TUBGCP4: variants seen among roughly 807,000 people sequenced by gnomAD.
The protein encoded by TUBGCP4 is tubulin gamma complex component 4.
TUBGCP4 carries 54 observed loss-of-function variants against 91.6 expected under a neutral mutation model. The ratio of observed to expected loss-of-function variants is 0.59; its 90% CI spans 0.47 to 0.74. The LOEUF (loss-of-function observed/expected upper bound fraction) is 0.74, where lower values mean the gene tolerates loss of function less well. Ranked by LOEUF, TUBGCP4 falls within the 30% of genes least tolerant of loss-of-function variation. The pLI is 0.00. For synonymous variants in TUBGCP4, 297 were observed against 302.8 expected, an observed-to-expected ratio of 0.98 and a Z score of 0.20; for missense variants, 593 against 800.9, an observed-to-expected ratio of 0.74 and a Z score of 3.13.
chr15:43,401,648 C>G, intron 14 of TUBGCP4, 68 bp from the exon 15 acceptor site: 1 of 1,519,770 alleles, frequency 6.6e-7, no homozygotes, highest in Non-Finnish European at 9.0e-7. Flanking sequence ...TTCAATCTGT[C>G]AGGCATCTTA....
At chr15:43,384,890 C>A (rs1200670122) in intron 7 of TUBGCP4, among the ~76,000 whole-genome samples, 2 of 152,042 alleles carry the variant, frequency 1.3e-5, no homozygotes, top group Non-Finnish European at 2.9e-5. Flanking sequence ...ATAATAGTCC[C>A]CTAAACCAAA....
chr15:43,384,605 G>T (rs965171179), intron 7 of TUBGCP4, among the ~76,000 whole-genome samples: 2 of 152,234 alleles, frequency 1.3e-5, no homozygotes, highest in Non-Finnish European at 2.9e-5. Context: ...AAGAGATGGT[G>T]TGAGGGAGAG....
At chr15:43,391,845 G>A (rs2044472915) in intron 9 of TUBGCP4, 1 of 152,220 alleles carries the variant, frequency 6.6e-6, no homozygotes, top group African/African-American at 2.4e-5. Flanking sequence ...GATGTCAGGA[G>A]TTTGAGACCA....
Position 43,397,326 on chromosome 15 carries a change from G to A in TUBGCP4, c.1279+5G>A. On this transcript the variant is annotated splice_donor_5th_base_variant and intron_variant, in intron 12 of 17. Transcript: ENST00000564079. ...ATCACGGAAAGGAGCACAAAGGTTT[G>A]CCATTCCTCCCTGCCACCTTAGAGT... is the stretch of plus-strand genomic sequence containing the variant. 6.2e-7 allele frequency: 1 copy of A among 1,608,836 alleles called. No homozygotes were observed. The highest frequency in any genetic ancestry group is 8.5e-7 in the Non-Finnish European group (1 of 1,175,210).
chr15:43,404,590 A>T, intron 17 of TUBGCP4, 38 bp downstream of exon 17: 1 of 1,605,138 alleles, frequency 6.2e-7, no homozygotes, highest in Non-Finnish European at 8.5e-7. Context: ...AGACTTTTTA[A>T]GGTGGCTTTT....
chr15:43,387,129 ATAT>A (rs2044388441), intron 9 of TUBGCP4, among the ~76,000 whole-genome samples: 1 of 152,332 alleles, frequency 6.6e-6, no homozygotes, highest in East Asian at 1.9e-4. Context: ...AGCAGAACAA[ATAT>A]TATTTTCTCA....
intron 6 of TUBGCP4, among the ~76,000 whole-genome samples, chr15:43,382,108 A>C (rs2044293388): frequency 6.6e-6 from 1 of 151,954 alleles, no homozygotes; most frequent in East Asian, 1.9e-4. Flanking sequence ...GCTACTTAGG[A>C]GGCTGAGGTG....
At chr15:43,397,401 C>A in intron 12 of TUBGCP4, 80 bp downstream of exon 12, 2 of 1,030,072 alleles carry the variant, frequency 1.9e-6, no homozygotes, top group South Asian at 1.3e-5. Flanking sequence ...TCCCCCGCCA[C>A]AGAAACCATA....
intron 13 of TUBGCP4, 88 bp from the exon 14 acceptor site, chr15:43,399,956 G>A: frequency 1.1e-6 from 1 of 933,864 alleles, no homozygotes; most frequent in South Asian, 1.8e-5. Flanking sequence ...TGAGAGGAGT[G>A]GGTGGCACAA....
At chr15:43,386,363 A>ATTTTTTTTT in intron 9 of TUBGCP4, 33 bp downstream of exon 9, 5 of 61,710 alleles carry the variant, frequency 8.1e-5, no homozygotes, top group Non-Finnish European at 1.7e-4. Flanking sequence ...ATATATATAT[A>ATTTTTTTTT]TATATATATA....
Position 43,398,094 on chromosome 15 carries a change from C to T in TUBGCP4, c.1333C>T (p.Pro445Ser). ...PSRETSPREAPASGWAALGLS... is the reference protein window; with the variant it reads ...PSRETSPREASASGWAALGLS... ...TCGGGAAACTTCTCCCCGGGAAGCCCCTGCATCTGGCTGGGCAGCCCTAGG... is the reference window on the plus strand; with the variant it reads ...TCGGGAAACTTCTCCCCGGGAAGCCTCTGCATCTGGCTGGGCAGCCCTAGG... The change falls in exon 13 of 18, where the codon CCT (proline) becomes TCT (serine). Residue 445 changes from proline (P) to serine (S), a missense_variant. Transcript: ENST00000564079. 1.2e-6 allele frequency: 2 copies of T among 1,614,056 alleles called. No individual in the cohort carries two copies. The highest frequency in any genetic ancestry group is 1.7e-6 in the Non-Finnish European group (2 of 1,179,970).
At chr15:43,387,515 G>A (rs1259676516) in intron 9 of TUBGCP4, among the ~76,000 whole-genome samples, 1 of 152,086 alleles carries the variant, frequency 6.6e-6, no homozygotes, top group Non-Finnish European at 1.5e-5. Flanking sequence ...AGGTTGGAGT[G>A]CAATGGTGTG....
intron 9 of TUBGCP4, among the ~76,000 whole-genome samples, chr15:43,391,169 A>G (rs1417048332): frequency 6.6e-6 from 1 of 152,046 alleles, no homozygotes; most frequent in East Asian, 1.9e-4. Context: ...TACAGGGATT[A>G]TAGGCATGAG....
In TUBGCP4 at chr15:43,381,603, G is replaced by A. The variant is rs1161567475; in HGVS notation, c.521+1440G>A. Among the ~76,000 whole-genome samples, 2 of 152,096 alleles carry A rather than the reference G, an allele frequency of 1.3e-5. 1 individual carries two copies. Among genetic ancestry groups the A allele is most frequent in the Admixed American group, 1.3e-4 (2 of 15,278 alleles). ...AATAAAAAAATTAGCCAGGTGTGGT[G>A]CCTGCCTGTAGTCCCAGCTACGGGA... is the stretch of plus-strand genomic sequence containing the variant. On this transcript the variant is annotated intron_variant, in intron 6 of 17. Transcript: ENST00000564079.
chr15:43,399,973 A>C, intron 13 of TUBGCP4, 71 bp from the exon 14 acceptor site: 2 of 1,307,524 alleles, frequency 1.5e-6, no homozygotes, highest in Non-Finnish European at 1.1e-6. Flanking sequence ...ACAAAGTCCT[A>C]GAGTCTGTCG....
At chr15:43,381,066 C>A (rs1249186712) in intron 6 of TUBGCP4, among the ~76,000 whole-genome samples, 1 of 152,076 alleles carries the variant, frequency 6.6e-6, no homozygotes, top group Non-Finnish European at 1.5e-5. Context: ...CTTGGCCTCC[C>A]AAAGTGTTGA....
rs990824614 is a variant in TUBGCP4, at chr15:43,408,429, C to T, written c.*3215C>T. 1.5e-5 allele frequency: 4 copies of T among 274,298 alleles called. No individual in the cohort carries two copies. The highest frequency in any genetic ancestry group is 4.4e-5 in the African/African-American group (2 of 45,004). 17.0% of individuals were successfully genotyped at this position (274,298 alleles called of 1,614,324 possible). ...CTGGGAGGTTGAGGCTGCAGTAAGTCGTCACTGCGCCACTGTACTCCAGCC... is the reference window on the plus strand; with the variant it reads ...CTGGGAGGTTGAGGCTGCAGTAAGTTGTCACTGCGCCACTGTACTCCAGCC... On this transcript the variant is annotated 3_prime_UTR_variant, in exon 18 of 18. Transcript: ENST00000564079.
chr15:43,400,193 T>C lies in TUBGCP4; in HGVS notation c.1568T>C (p.Leu523Ser). The change falls in exon 14 of 18, where the codon TTG (leucine) becomes TCG (serine). Residue 523 changes from leucine (L) to serine (S), a missense_variant. By Grantham distance (145) the Leu-to-Ser change is moderately radical. Coordinates refer to ENST00000564079, the MANE Select transcript of TUBGCP4 (RefSeq NM_014444.5). ...CGCCTAAGAAATCACATGGCATTTTTGGTGGATAATCTTCAGTACTATCTC... is the reference window on the plus strand; with the variant it reads ...CGCCTAAGAAATCACATGGCATTTTCGGTGGATAATCTTCAGTACTATCTC... ...KWRLRNHMAF[L>S]VDNLQYYLQV... 1 of 1,614,078 alleles carries C rather than the reference T, an allele frequency of 6.2e-7. No homozygotes were observed. Among genetic ancestry groups the C allele is most frequent in the Non-Finnish European group, 8.5e-7 (1 of 1,180,020 alleles).
At position 43,380,137 on chromosome 15, in the gene TUBGCP4, G is replaced by A; in HGVS notation, c.495G>A (p.Leu165=). The A allele has an allele frequency of 6.2e-7, 1 of 1,614,044 alleles. No individual in the cohort carries two copies. The highest frequency in any genetic ancestry group is 2.2e-5 in the East Asian group (1 of 44,880). The change falls in exon 6 of 18, where the codon TTG becomes TTA. Residue 165 remains leucine (L), a synonymous_variant. Coordinates refer to ENST00000564079, the MANE Select transcript of TUBGCP4 (RefSeq NM_014444.5). ...ETVYKHSCGG[L]PPVRSALEKI... ...TCTACAAACACAGCTGTGGGGGGTT[G>A]CCTCCTGTTCGAAGTGCACTGGAAA...
Sources: allele counts gnomAD v4.1 joint callset (sites outside exome capture counted in the v4.1 genomes callset), GRCh38; gene constraint gnomAD v4.1.1; transcripts MANE v1.5; gene names NCBI Gene and HGNC (gene_info 2026-07-23, HGNC 2026-07-21).